The following GALNT12 variants were observed in gnomAD, a reference collection of about 807,000 sequenced individuals.
GALNT12 encodes UDP-GalNAc:polypeptide N-acetylgalactosaminyltransferase 12.
In GALNT12, 45 loss-of-function variants were observed where a neutral mutation model predicts 55.5. The observed-to-expected ratio is 0.81, with a 90% CI of 0.64 to 1.04. The LOEUF is 1.04. Ranked by LOEUF, GALNT12 falls within the 50% of genes least tolerant of loss-of-function variation. The pLI, the probability that GALNT12 is intolerant of heterozygous loss-of-function variation, is 0.00. For missense variants in GALNT12, 709 were observed against 754.8 expected (o/e 0.94, Z 0.71); for synonymous variants, 304 against 312.2 (o/e 0.97, Z 0.28).
rs377671466 is a variant in GALNT12 at position 98,826,841 on chromosome 9, G to A, written c.631G>A (p.Ala211Thr). ...CAACAAGAGAGAGGGCCTGGTGCGA[G>A]CCCGGCTGCTGGGGGCGTCTGCGGC... ...RANKREGLVR[A>T]RLLGASAARG... The change falls in exon 3 of 10, where the codon GCC (alanine) becomes ACC (threonine). Residue 211 changes from alanine to threonine, a missense_variant. Ala to Thr is a moderately conservative substitution (Grantham distance 58). This residue lies in a region of GALNT12 where 315 missense variants were observed against 288.6 expected (regional missense o/e 1.09). Coordinates refer to ENST00000375011, the MANE Select transcript of GALNT12 (RefSeq NM_024642.5). 14 of 1,610,342 alleles carry A rather than the reference G, an allele frequency of 8.7e-6. No individual in the cohort carries two copies. In the African/African-American group the frequency reaches 1.7e-4, roughly 20 times the overall value.
intron 9 of GALNT12, among the ~76,000 whole-genome samples, chr9:98,848,062 GC>G (rs1476631629): frequency 2.0e-5 from 3 of 152,144 alleles, no homozygotes; most frequent in Admixed American, 1.3e-4. Context: ...TGATCCACCT[GC>G]CTCAGCCTCT....
At chr9:98,817,548 C>T (rs1437659159) in intron 1 of GALNT12, among the ~76,000 whole-genome samples, 1 of 151,994 alleles carries the variant, frequency 6.6e-6, no homozygotes, top group Non-Finnish European at 1.5e-5. Context: ...ACTGCAACCT[C>T]CGCCTCCCAG....
Position 98,844,214 on chromosome 9 carries a change from G to A in GALNT12, c.1458+5G>A, listed in dbSNP as rs2118494644. The A allele has an allele frequency of 6.5e-7, 1 of 1,539,800 alleles. No individual in the cohort carries two copies. The highest frequency in any genetic ancestry group is 9.0e-7 in the Non-Finnish European group (1 of 1,112,040). Reference sequence around the variant, plus strand: ...CATGGGATGGGCCAGAATCAGGTAGGTATGAGCCTCAAAAGAGGAGAAAGC... The same window carrying A: ...CATGGGATGGGCCAGAATCAGGTAGATATGAGCCTCAAAAGAGGAGAAAGC... On this transcript the variant is annotated splice_donor_5th_base_variant and intron_variant, in intron 8 of 9. Coordinates refer to ENST00000375011, the MANE Select transcript of GALNT12 (RefSeq NM_024642.5).
rs1293804286 is a variant in GALNT12 at position 98,837,134 on chromosome 9, C to A, written c.1198C>A (p.Pro400Thr). ...EFKELYYHRN[P>T]RARLEPFGDV... The stretch of plus-strand genomic sequence containing the variant: ...TAAAGAGCTCTACTACCATCGCAAC[C>A]CCCGTGCCCGCTTGGTGAGTTCCTC... Residue 400 changes from proline (P) to threonine (T), a missense_variant, in exon 6 of 10, where the codon CCC (proline) becomes ACC (threonine). Pro to Thr is a conservative substitution (Grantham distance 38). Transcript: ENST00000375011. 6.2e-7 allele frequency: 1 copy of A among 1,614,164 alleles called. No homozygotes were observed. The highest frequency in any genetic ancestry group is 8.5e-7 in the Non-Finnish European group (1 of 1,180,030).
chr9:98,835,139 C>G, intron 4 of GALNT12, 110 bp from the exon 5 acceptor site: 1 of 831,760 alleles, frequency 1.2e-6, no homozygotes, highest in Non-Finnish European at 2.1e-6. Context: ...GCGGGATATG[C>G]TTAGAGATGA....
chr9:98,836,984 G>C lies in GALNT12; in HGVS notation c.1048G>C (p.Gly350Arg), dbSNP rs1040733256. ...TCTCTGTGTGCAGATCTGGCAGTGTGGTGGGGTTCTGGAAACACACCCATG... is the reference window on the plus strand; with the variant it reads ...TCTCTGTGTGCAGATCTGGCAGTGTCGTGGGGTTCTGGAAACACACCCATG... ...LEFSFRIWQC[G>R]GVLETHPCSH... Residue 350 changes from glycine (G) to arginine (R), a missense_variant, in exon 6 of 10, where the codon GGT becomes CGT. Physicochemically the swap from Gly to Arg is moderately radical, Grantham distance 125 (BLOSUM62 -2). Transcript: ENST00000375011. 4.1e-5 allele frequency: 66 copies of C among 1,613,998 alleles called. No homozygotes were observed. Among genetic ancestry groups the C allele is most frequent in the Non-Finnish European group, 4.7e-5 (56 of 1,180,038 alleles).
At chr9:98,811,987 A>G (rs1835506335) in intron 1 of GALNT12, among the ~76,000 whole-genome samples, 1 of 152,110 alleles carries the variant, frequency 6.6e-6, no homozygotes, top group South Asian at 2.1e-4. Flanking sequence ...CCAGCCTCAA[A>G]GTGGTTCTAA....
chr9:98,834,538 A>T (rs971544930), intron 4 of GALNT12, among the ~76,000 whole-genome samples: 2 of 152,238 alleles, frequency 1.3e-5, no homozygotes, highest in African/African-American at 4.8e-5. Context: ...GCTGGCTTCC[A>T]GATAAACCTG....
chr9:98,810,827 AGAG>A (rs1327402988), intron 1 of GALNT12, among the ~76,000 whole-genome samples: 2 of 152,196 alleles, frequency 1.3e-5, no homozygotes, highest in Non-Finnish European at 2.9e-5. Flanking sequence ...ACTGAATTGA[AGAG>A]GAGGCTAATG....
In GALNT12 at chr9:98,807,757, C is replaced by A; in HGVS notation, c.59C>A (p.Ala20Glu). 1 of 1,182,330 alleles carries A rather than the reference C, an allele frequency of 8.5e-7. No homozygotes were observed. Among genetic ancestry groups the A allele is most frequent in the Non-Finnish European group, 1.1e-6 (1 of 950,328 alleles). The allele number at this position is 1,182,330 out of a possible 1,614,324, so 73.2% of individuals were successfully genotyped here. Residue 20 changes from alanine to glutamate, a missense_variant, in exon 1 of 10, where the codon GCG becomes GAG. By Grantham distance (107) the Ala-to-Glu change is moderately radical. This residue lies in a region of GALNT12 where 110 missense variants were observed against 102.2 expected (regional missense o/e 1.08). Transcript: ENST00000375011. The part of the protein sequence containing the change: ...CPRELRRGRE[A>E]LLVLLALLAL... ...CGGGAACTGCGGCGCGGCCGGGAGG[C>A]GCTGTTGGTGCTCCTGGCGCTACTG...
At chr9:98,817,996 C>T (rs998167809) in intron 1 of GALNT12, among the ~76,000 whole-genome samples, 1 of 152,138 alleles carries the variant, frequency 6.6e-6, no homozygotes, top group African/African-American at 2.4e-5. Context: ...AATCCTCCAC[C>T]TAGATCCACC....
chr9:98,832,454 G>C (rs749057134), intron 4 of GALNT12, among the ~76,000 whole-genome samples: 11 of 152,180 alleles, frequency 7.2e-5, no homozygotes, highest in Admixed American at 2.0e-4. Context: ...AGGAGTTCAA[G>C]GCTTTAGTGA....
At chr9:98,826,679 A>T in intron 2 of GALNT12, 73 bp from the exon 3 acceptor site, 7 of 1,457,560 alleles carry the variant, frequency 4.8e-6, no homozygotes, top group Non-Finnish European at 6.6e-6. Flanking sequence ...GAGGCCCAGA[A>T]GGCCCCGGGT....
chr9:98,835,190 G>T, intron 4 of GALNT12, 59 bp from the exon 5 acceptor site: 1 of 1,150,474 alleles, frequency 8.7e-7, no homozygotes, highest in Non-Finnish European at 1.3e-6. Context: ...GAAGGTAGTT[G>T]GATAACTGTG....
chr9:98,814,497 T>A (rs1162444633), intron 1 of GALNT12, among the ~76,000 whole-genome samples: 5 of 152,008 alleles, frequency 3.3e-5, no homozygotes, highest in African/African-American at 1.2e-4. Context: ...TCACTTGAGG[T>A]CAGGAGTTCG....
intron 3 of GALNT12, among the ~76,000 whole-genome samples, chr9:98,831,041 C>T (rs572860358): frequency 2.6e-4 from 39 of 152,284 alleles, no homozygotes; most frequent in South Asian, 4.1e-4. Context: ...CAAAGAAACA[C>T]GGCCTGGAAG....
intron 1 of GALNT12, among the ~76,000 whole-genome samples, chr9:98,814,832 T>C (rs889287925): frequency 6.6e-6 from 1 of 152,192 alleles, no homozygotes; most frequent in African/African-American, 2.4e-5. Context: ...TGAAGTAATG[T>C]GTATAAAATG....
chr9:98,814,993 G>A (rs1259583178), intron 1 of GALNT12, among the ~76,000 whole-genome samples: 1 of 152,216 alleles, frequency 6.6e-6, no homozygotes, highest in Admixed American at 6.5e-5. Context: ...TTAGGGAAAT[G>A]ATTGTGTGCT....
chr9:98,832,064 T>A, intron 4 of GALNT12, 107 bp downstream of exon 4: 2 of 930,934 alleles, frequency 2.1e-6, no homozygotes, highest in Non-Finnish European at 3.4e-6. Flanking sequence ...TCAGCTTAAC[T>A]ACCTCCCCTC....
Sources: gnomAD v4.1 joint callset for allele counts (sites outside exome capture counted in the v4.1 genomes callset) on GRCh38, gnomAD v4.1.1 for gene constraint, gnomAD v4.1.1 regional missense constraint, MANE v1.5 for transcripts, NCBI Gene and HGNC (gene_info 2026-07-23, HGNC 2026-07-21) for gene names.